ZBTB20: variants seen among roughly 807,000 people sequenced by gnomAD.
ZBTB20 encodes zinc finger and BTB domain containing 20.
ZBTB20 carries 9 observed loss-of-function variants against 56.9 expected under a neutral mutation model. That is an observed-to-expected ratio of 0.16 (90% CI 0.10 to 0.28). ZBTB20 has a LOEUF of 0.28. ZBTB20 is among the 10% of genes least tolerant of loss of function. The pLI is 1.00. For missense variants in ZBTB20, 655 were observed against 1,003.0 expected (o/e 0.65, Z 4.69); for synonymous variants, 417 against 420.7 (o/e 0.99, Z 0.11).
chr3:114,761,626 G>GCCTGGTCT (rs1422123574), intron 5 of ZBTB20, among the ~76,000 whole-genome samples: 1 of 152,090 alleles, frequency 6.6e-6, no homozygotes, highest in Non-Finnish European at 1.5e-5. Context: ...CCTGAAGTCA[G>GCCTGGTCT]GAGTTCGAGA....
intron 5 of ZBTB20, among the ~76,000 whole-genome samples, chr3:114,742,959 T>C (rs925556144): frequency 1.3e-5 from 2 of 152,176 alleles, no homozygotes; most frequent in African/African-American, 4.8e-5. Flanking sequence ...AAGACTCAAG[T>C]GTCCTCAGTC....
chr3:114,619,434 A>G (rs1418826004), intron 6 of ZBTB20, among the ~76,000 whole-genome samples: 1 of 152,152 alleles, frequency 6.6e-6, no homozygotes, highest in African/African-American at 2.4e-5. Flanking sequence ...GGGGATTGCT[A>G]AGTTGATTGA....
intron 7 of ZBTB20, among the ~76,000 whole-genome samples, chr3:114,420,707 C>T (rs2089077675): frequency 6.6e-6 from 1 of 152,124 alleles, no homozygotes; most frequent in Non-Finnish European, 1.5e-5. Context: ...GTAAAGACAA[C>T]TCTAAAAGGA....
intron 5 of ZBTB20, among the ~76,000 whole-genome samples, chr3:114,796,152 T>G (rs1186437393): frequency 6.6e-6 from 1 of 151,932 alleles, no homozygotes; most frequent in East Asian, 1.9e-4. Flanking sequence ...AGGTGGTAAG[T>G]AAATTTGATA....
At chr3:114,611,666 A>C (rs1356908021) in intron 6 of ZBTB20, among the ~76,000 whole-genome samples, 1 of 152,152 alleles carries the variant, frequency 6.6e-6, no homozygotes, top group Non-Finnish European at 1.5e-5. Flanking sequence ...AGACATGGAA[A>C]GTGCTGTTAA....
At chr3:114,805,194 T>C (rs138012958) in intron 4 of ZBTB20, among the ~76,000 whole-genome samples, 17 of 152,056 alleles carry the variant, frequency 1.1e-4, no homozygotes, top group Non-Finnish European at 2.2e-4. Flanking sequence ...AAATTAATAT[T>C]GACACAATAC....
chr3:115,132,085 C>T (rs548045100), intron 1 of ZBTB20, among the ~76,000 whole-genome samples: 1 of 152,214 alleles, frequency 6.6e-6, no homozygotes. Context: ...AAAAAAAAAT[C>T]TCCCAAGATT....
chr3:115,043,198 C>G (rs2081208578), intron 2 of ZBTB20, among the ~76,000 whole-genome samples: 1 of 151,976 alleles, frequency 6.6e-6, no homozygotes, highest in South Asian at 2.1e-4. Context: ...AATTAATGAG[C>G]CTATTTCATG....
At chr3:114,617,947 T>C (rs1437221688) in intron 6 of ZBTB20, among the ~76,000 whole-genome samples, 2 of 144,582 alleles carry the variant, frequency 1.4e-5, no homozygotes, top group Non-Finnish European at 3.0e-5. Context: ...CACACATGTA[T>C]ACACTCTTTC....
rs367661616 is a variant in ZBTB20 at position 115,074,596 on chromosome 3, C to A, written c.-702-3182G>T. Among the ~76,000 whole-genome samples the A allele has an allele frequency of 1.5e-4, 23 of 152,274 alleles. 1 individual carries two copies. The highest frequency in any genetic ancestry group is 5.1e-4 in the African/African-American group (21 of 41,576). On this transcript the variant is annotated intron_variant, in intron 1 of 11. Transcript: ENST00000675478. Reference sequence around the variant, plus strand: ...AATAGCATACACCTCCTGCCTTAAACAACTAAAAATCTAAACAAAATATAT... The same window carrying A: ...AATAGCATACACCTCCTGCCTTAAAAAACTAAAAATCTAAACAAAATATAT...
In ZBTB20 at chr3:114,320,929, C is replaced by T. The variant is rs2107996768; in HGVS notation, c.*18076G>A. The stretch of plus-strand genomic sequence containing the variant: ...CCTGACAAGCTATGCCCTAGAATTG[C>T]AGCCTCCAAACCTTGCCCATGATTT... On this transcript the variant is annotated 3_prime_UTR_variant, in exon 12 of 12. Coordinates refer to ENST00000675478, the MANE Select transcript of ZBTB20 (RefSeq NM_001348800.3). 1 of 152,268 alleles carries T rather than the reference C, an allele frequency of 6.6e-6. No homozygotes were observed. The highest frequency in any genetic ancestry group is 1.9e-4 in the East Asian group (1 of 5,190). The allele number at this position is 152,268 out of a possible 1,614,324, so 9.4% of individuals were successfully genotyped here.
chr3:114,407,629 C>T (rs1257283353), intron 7 of ZBTB20, among the ~76,000 whole-genome samples: 1 of 152,060 alleles, frequency 6.6e-6, no homozygotes, highest in Non-Finnish European at 1.5e-5. Context: ...AGAAAACTTC[C>T]CTGGACTGCT....
intron 6 of ZBTB20, among the ~76,000 whole-genome samples, chr3:114,672,052 G>A (rs1368616141): frequency 6.6e-6 from 1 of 152,044 alleles, no homozygotes; most frequent in East Asian, 1.9e-4. Flanking sequence ...CAGTATGTCT[G>A]TCTATAGTTT....
At chr3:114,594,478 G>A (rs1293502436) in intron 6 of ZBTB20, among the ~76,000 whole-genome samples, 1 of 151,996 alleles carries the variant, frequency 6.6e-6, no homozygotes, top group Non-Finnish European at 1.5e-5. Context: ...TGTTGGCCAA[G>A]ATGGTCTCGA....
At chr3:114,909,696 A>G (rs1027824253) in intron 3 of ZBTB20, among the ~76,000 whole-genome samples, 3 of 152,022 alleles carry the variant, frequency 2.0e-5, no homozygotes, top group African/African-American at 7.2e-5. Flanking sequence ...AGTACACTCT[A>G]TGATGCTCAC....
intron 5 of ZBTB20, among the ~76,000 whole-genome samples, chr3:114,775,820 T>TGATG (rs2069562624): frequency 6.6e-6 from 1 of 152,102 alleles, no homozygotes; most frequent in African/African-American, 2.4e-5. Context: ...TTAGGCACAA[T>TGATG]GATGGAGGAA....
intron 6 of ZBTB20, among the ~76,000 whole-genome samples, chr3:114,691,122 T>C (rs548774409): frequency 6.6e-6 from 1 of 152,292 alleles, no homozygotes; most frequent in Admixed American, 6.5e-5. Flanking sequence ...TCTAAGAATA[T>C]TAGGCAACTC....
intron 5 of ZBTB20, among the ~76,000 whole-genome samples, chr3:114,751,337 T>C (rs1375281023): frequency 6.6e-6 from 1 of 152,100 alleles, no homozygotes; most frequent in Non-Finnish European, 1.5e-5. Context: ...CATTTGAAGA[T>C]TTAGTCACAA....
chr3:114,763,632 T>C (rs886795396), intron 5 of ZBTB20, among the ~76,000 whole-genome samples: 7 of 152,166 alleles, frequency 4.6e-5, no homozygotes, highest in Non-Finnish European at 8.8e-5. Flanking sequence ...AAAATGAGAA[T>C]AGTCATCTTT....
Sources: allele counts gnomAD v4.1 joint callset (sites outside exome capture counted in the v4.1 genomes callset), GRCh38; gene constraint gnomAD v4.1.1; transcripts MANE v1.5; gene names NCBI Gene and HGNC (gene_info 2026-07-23, HGNC 2026-07-21).